GATB: variants seen among roughly 807,000 people sequenced by gnomAD.
The protein encoded by GATB is glutamyl-tRNA(Gln) amidotransferase subunit B, mitochondrial.
Under a neutral mutation model 62.3 loss-of-function variants are expected in GATB, and 39 were observed. That is an observed-to-expected ratio of 0.63 (90% CI 0.48 to 0.82). The LOEUF (loss-of-function observed/expected upper bound fraction) is 0.82, where lower values mean the gene tolerates loss of function less well. Among genes scored for constraint, GATB ranks in the 40% least tolerant of loss-of-function variants. The probability of loss-of-function intolerance (pLI) is 0.00; values close to 1 mark genes in which losing one functional copy is unlikely to be tolerated. For missense variants in GATB, 670 were observed against 684.0 expected (o/e 0.98, Z 0.23); for synonymous variants, 276 against 258.9 (o/e 1.07, Z -0.63).
At chr4:151,727,792 C>T (rs1739165461) in intron 2 of GATB, among the ~76,000 whole-genome samples, 1 of 152,154 alleles carries the variant, frequency 6.6e-6, no homozygotes, top group Non-Finnish European at 1.5e-5. Context: ...AATAAAATAA[C>T]TTCACACATA....
intron 5 of GATB, among the ~76,000 whole-genome samples, chr4:151,709,712 C>T (rs555014091): frequency 6.6e-6 from 1 of 152,314 alleles, no homozygotes; most frequent in African/African-American, 2.4e-5. Flanking sequence ...AAGAGCACAT[C>T]CTGACTCAAC....
At chr4:151,751,057 C>T (rs1053452664) in intron 2 of GATB, among the ~76,000 whole-genome samples, 3 of 151,970 alleles carry the variant, frequency 2.0e-5, no homozygotes, top group Admixed American at 6.6e-5. Flanking sequence ...TCATGTCTCC[C>T]CCAGGGAAGC....
At chr4:151,678,679 T>A (rs1738064676) in intron 11 of GATB, among the ~76,000 whole-genome samples, 1 of 152,214 alleles carries the variant, frequency 6.6e-6, no homozygotes, top group African/African-American at 2.4e-5. Flanking sequence ...GTGCGTGCAC[T>A]ATGGTGCCTC....
chr4:151,694,197 A>T (rs1738424926), intron 9 of GATB, among the ~76,000 whole-genome samples: 1 of 152,224 alleles, frequency 6.6e-6, no homozygotes. Context: ...GATCTGCCTG[A>T]AACCTGAAAT....
intron 12 of GATB, 119 bp from the exon 13 acceptor site, chr4:151,671,421 GAC>G: frequency 1.0e-6 from 1 of 956,234 alleles, no homozygotes; most frequent in Non-Finnish European, 1.6e-6. Context: ...ACTAGTATTA[GAC>G]ATAAAATGTA....
intron 2 of GATB, 67 bp downstream of exon 2, chr4:151,758,705 T>C: frequency 7.9e-7 from 1 of 1,258,140 alleles, no homozygotes; most frequent in Non-Finnish European, 1.1e-6. Flanking sequence ...AACAAGAAAA[T>C]AATTTTCCAT....
At chr4:151,682,178 A>T (rs567108135) in intron 10 of GATB, among the ~76,000 whole-genome samples, 23 of 152,222 alleles carry the variant, frequency 1.5e-4, no homozygotes, top group African/African-American at 5.3e-4. Context: ...CACACTTGGG[A>T]TTTCTCCATC....
chr4:151,693,508 C>T (rs558015941), intron 9 of GATB, among the ~76,000 whole-genome samples: 2 of 152,248 alleles, frequency 1.3e-5, no homozygotes, highest in Middle Eastern at 3.4e-3. Flanking sequence ...CACGACCCCC[C>T]CCTCAAGAGT....
chr4:151,758,751 A>T, intron 2 of GATB, 21 bp downstream of exon 2: 1 of 1,500,670 alleles, frequency 6.7e-7, no homozygotes, highest in Non-Finnish European at 8.9e-7. Context: ...TAATGAAAAT[A>T]GGATTAAATA....
At chr4:151,671,807 G>C (rs553911561) in intron 12 of GATB, among the ~76,000 whole-genome samples, 12 of 152,294 alleles carry the variant, frequency 7.9e-5, no homozygotes, top group African/African-American at 2.9e-4. Context: ...GGGTCGGGGG[G>C]AGTGTGCTGT....
At chr4:151,719,359 C>T in intron 3 of GATB, 66 bp downstream of exon 3, 7 of 1,138,318 alleles carry the variant, frequency 6.1e-6, no homozygotes, top group Admixed American at 1.8e-5. Context: ...CTTGCTCCGA[C>T]CCCCCACAGC....
intron 2 of GATB, among the ~76,000 whole-genome samples, chr4:151,757,781 C>T (rs1450577801): frequency 6.6e-6 from 1 of 152,148 alleles, no homozygotes; most frequent in Non-Finnish European, 1.5e-5. Context: ...CCGGCCTCAA[C>T]CAGCTTCCAC....
chr4:151,723,478 G>A (rs756471339), intron 2 of GATB: 2 of 152,198 alleles, frequency 1.3e-5, no homozygotes, highest in Non-Finnish European at 2.9e-5. Flanking sequence ...CATAACTCCA[G>A]AGCAGCACCT....
chr4:151,703,947 C>T, intron 7 of GATB, 52 bp from the exon 8 acceptor site: 1 of 1,334,418 alleles, frequency 7.5e-7, no homozygotes, highest in Non-Finnish European at 1.1e-6. Flanking sequence ...CACTGGCCAG[C>T]CTATATGTGG....
intron 10 of GATB, among the ~76,000 whole-genome samples, chr4:151,681,491 T>C (rs760683159): frequency 7.2e-5 from 11 of 152,164 alleles, no homozygotes; most frequent in Non-Finnish European, 1.6e-4. Flanking sequence ...AGGCCGGATT[T>C]TTCTAAAAGC....
intron 12 of GATB, 48 bp downstream of exon 12, chr4:151,672,714 C>T: frequency 6.3e-7 from 1 of 1,592,400 alleles, no homozygotes; most frequent in Non-Finnish European, 8.6e-7. Flanking sequence ...GGCTCTTGGG[C>T]ATGTCCTGGG....
At chr4:151,705,379 C>A in intron 6 of GATB, 110 bp from the exon 7 acceptor site, 2 of 655,384 alleles carry the variant, frequency 3.1e-6, no homozygotes, top group Non-Finnish European at 5.3e-6. Context: ...AAAAAAAAAT[C>A]AAGAAGATTG....
chr4:151,710,876 TCTCTGAG>T (rs988033542), intron 5 of GATB, among the ~76,000 whole-genome samples: 27 of 152,150 alleles, frequency 1.8e-4, no homozygotes, highest in Admixed American at 1.2e-3. Flanking sequence ...AGCCCAGACC[TCTCTGAG>T]CTCCACACTT....
At position 151,727,909 on chromosome 4, in the gene GATB, T is replaced by C. The variant is rs1196966950; in HGVS notation, c.328-8371A>G. On this transcript the variant is annotated intron_variant, in intron 2 of 12. Coordinates refer to ENST00000263985, the MANE Select transcript of GATB (RefSeq NM_004564.3). ...TAACTTTTCCAGGAGGCATGGGAAT[T>C]TGATGTGAAAAGGGCTAAACAGCTC... Among the ~76,000 whole-genome samples, 8 of 152,314 alleles carry C rather than the reference T, an allele frequency of 5.3e-5. No homozygotes were observed. The East Asian group carries it at 9.6e-4, about 18-fold the overall frequency.
Sources: allele counts gnomAD v4.1 joint callset (sites outside exome capture counted in the v4.1 genomes callset), GRCh38; gene constraint gnomAD v4.1.1; transcripts MANE v1.5; gene names NCBI Gene and HGNC (gene_info 2026-07-23, HGNC 2026-07-21).